KDM4C: variants seen among roughly 807,000 people sequenced by gnomAD.
The protein encoded by KDM4C is lysine-specific demethylase 4C.
KDM4C carries 81 observed loss-of-function variants against 129.3 expected under a neutral mutation model. The ratio of observed to expected loss-of-function variants is 0.63; its 90% CI spans 0.52 to 0.75. The LOEUF (loss-of-function observed/expected upper bound fraction) is 0.75. KDM4C is among the 30% of genes least tolerant of loss of function. The pLI is 0.00. For synonymous variants in KDM4C, 573 were observed against 456.1 expected (o/e 1.26, Z -3.26); for missense variants, 1,457 against 1,304.0 (o/e 1.12, Z -1.81).
intron 1 of KDM4C, among the ~76,000 whole-genome samples, chr9:6,773,735 C>T (rs942042982): frequency 6.7e-6 from 1 of 150,048 alleles, no homozygotes; most frequent in Admixed American, 6.7e-5. Context: ...CGCACCATGG[C>T]ACCCTAGCCT....
At position 6,860,020 on chromosome 9, in the gene KDM4C, A is replaced by C. The variant is rs1417741919; in HGVS notation, c.629+10320A>C. ...TAAAGATGAAGGAGTAGGCAAGAAGAAAGCCTCCCTGTGTTTCTTTTTACA... is the reference window on the plus strand; with the variant it reads ...TAAAGATGAAGGAGTAGGCAAGAAGCAAGCCTCCCTGTGTTTCTTTTTACA... On this transcript the variant is annotated intron_variant, in intron 5 of 21. Transcript: ENST00000381309. Among the ~76,000 whole-genome samples, 3 of 152,350 alleles carry C rather than the reference A, an allele frequency of 2.0e-5. No homozygotes were observed. The East Asian group carries it at 5.8e-4, about 29-fold the overall frequency.
chr9:6,788,605 A>G (rs942363983), intron 1 of KDM4C, among the ~76,000 whole-genome samples: 1 of 151,978 alleles, frequency 6.6e-6, no homozygotes, highest in Admixed American at 6.6e-5. Flanking sequence ...TTTGGCACTT[A>G]CTCCTTCATT....
chr9:6,843,358 T>A (rs10975845), intron 4 of KDM4C, among the ~76,000 whole-genome samples: 17,476 of 152,274 alleles, frequency 0.11, 1,109 homozygotes, highest in East Asian at 0.26. Flanking sequence ...ATGAAAAATT[T>A]AAGCAATTTT....
chr9:7,115,750 G>C (rs7872366), intron 18 of KDM4C, among the ~76,000 whole-genome samples: 72,697 of 152,098 alleles, frequency 0.48, 17,953 homozygotes, highest in East Asian at 0.74. Context: ...ATACACAAAA[G>C]TCTGGATTAG....
intron 19 of KDM4C, among the ~76,000 whole-genome samples, chr9:7,161,707 A>G (rs1465693309): frequency 6.6e-6 from 1 of 152,178 alleles, no homozygotes; most frequent in Non-Finnish European, 1.5e-5. Context: ...AGTGTCTCAC[A>G]CACATTAGGT....
At chr9:6,830,351 A>G (rs1200071943) in intron 4 of KDM4C, among the ~76,000 whole-genome samples, 1 of 152,134 alleles carries the variant, frequency 6.6e-6, no homozygotes. Context: ...GGTCTGGCTG[A>G]GATGAGGGAG....
At chr9:6,741,495 C>A (rs1037591186) in intron 1 of KDM4C, among the ~76,000 whole-genome samples, 4 of 152,106 alleles carry the variant, frequency 2.6e-5, no homozygotes, top group African/African-American at 9.7e-5. Context: ...TATTGTTCTT[C>A]ATTCATTTCT....
chr9:7,154,676 T>C (rs991637024), intron 19 of KDM4C, among the ~76,000 whole-genome samples: 2 of 152,204 alleles, frequency 1.3e-5, no homozygotes, highest in Admixed American at 6.5e-5. Context: ...TTGCCCTAGG[T>C]TGAGTACTCC....
intron 5 of KDM4C, among the ~76,000 whole-genome samples, chr9:6,878,715 A>G (rs1479404631): frequency 6.6e-6 from 1 of 152,086 alleles, no homozygotes; most frequent in Admixed American, 6.6e-5. Context: ...TGGCAGGCAT[A>G]TTCATATTAC....
intron 10 of KDM4C, among the ~76,000 whole-genome samples, chr9:6,984,748 A>G (rs1427753586): frequency 3.9e-5 from 6 of 152,044 alleles, no homozygotes; most frequent in African/African-American, 9.7e-5. Context: ...GAGAAAACCA[A>G]TTATAGATAA....
intron 19 of KDM4C, among the ~76,000 whole-genome samples, chr9:7,141,615 T>C (rs1841746993): frequency 6.6e-6 from 1 of 152,156 alleles, no homozygotes; most frequent in Non-Finnish European, 1.5e-5. Context: ...AGGTGACACC[T>C]GTCATTGAGA....
chr9:6,757,740 G>GTGCACCTGTT, upstream of KDM4C: 1 of 985,662 alleles, frequency 1.0e-6, no homozygotes, highest in South Asian at 4.7e-5. Context: ...GCAAGGTTCT[G>GTGCACCTGTT]TGCACCTGTT....
At chr9:7,044,445 A>G (rs987121062) in intron 15 of KDM4C, among the ~76,000 whole-genome samples, 24 of 151,862 alleles carry the variant, frequency 1.6e-4, no homozygotes, top group African/African-American at 7.3e-5. Context: ...GGCTATTGCA[A>G]TAGTTTAGGT....
At chr9:6,918,904 C>T (rs1042828848) in intron 8 of KDM4C, among the ~76,000 whole-genome samples, 62 of 151,754 alleles carry the variant, frequency 4.1e-4, no homozygotes, top group Non-Finnish European at 1.6e-4. Context: ...CAGACTGGAG[C>T]GCAGTGGCAC....
At chr9:6,877,623 C>A (rs571071302) in intron 5 of KDM4C, among the ~76,000 whole-genome samples, 1 of 152,318 alleles carries the variant, frequency 6.6e-6, no homozygotes, top group African/African-American at 2.4e-5. Context: ...ATAGTAGTAT[C>A]TTTTGAGCAA....
chr9:6,786,004 T>C (rs1825405450), intron 1 of KDM4C, among the ~76,000 whole-genome samples: 1 of 152,226 alleles, frequency 6.6e-6, no homozygotes, highest in Non-Finnish European at 1.5e-5. Flanking sequence ...GGCTGTGTTT[T>C]AAAGTAGATA....
intron 12 of KDM4C, among the ~76,000 whole-genome samples, chr9:7,007,727 TTTTA>T (rs1821935137): frequency 6.6e-6 from 1 of 152,190 alleles, no homozygotes; most frequent in African/African-American, 2.4e-5. Flanking sequence ...AAGAAGATTC[TTTTA>T]TTTCCTTTTT....
chr9:6,933,533 A>G (rs550791686), intron 8 of KDM4C, among the ~76,000 whole-genome samples: 1 of 152,370 alleles, frequency 6.6e-6, no homozygotes, highest in East Asian at 1.9e-4. Flanking sequence ...TGGCTCTGCA[A>G]AATTACTTTC....
chr9:7,083,167 C>G (rs1015847125), intron 17 of KDM4C, among the ~76,000 whole-genome samples: 1 of 152,184 alleles, frequency 6.6e-6, no homozygotes, highest in Non-Finnish European at 1.5e-5. Flanking sequence ...GGTTGAGTAT[C>G]TCTTATCCAA....
Sources: allele counts gnomAD v4.1 joint callset (sites outside exome capture counted in the v4.1 genomes callset), GRCh38; gene constraint gnomAD v4.1.1; transcripts MANE v1.5; gene names NCBI Gene and HGNC (gene_info 2026-07-23, HGNC 2026-07-21).